Variants in ME1 observed in about 807,000 individuals in gnomAD.
ME1 encodes NADP-dependent malic enzyme.
A neutral mutation model predicts 66.4 loss-of-function variants in ME1; 74 were observed. That is an observed-to-expected ratio of 1.11 (90% CI 0.92 to 1.35). The LOEUF (loss-of-function observed/expected upper bound fraction) is 1.35, where lower values mean the gene tolerates loss of function less well. Ranked by LOEUF, ME1 falls within the 40% of genes most tolerant of loss-of-function variation. The pLI is 0.00. For synonymous variants in ME1, 251 were observed against 235.6 expected (o/e 1.07, Z -0.60); for missense variants, 750 against 694.1 (o/e 1.08, Z -0.90).
At chr6:83,214,011 A>G (rs1212389365) in intron 13 of ME1, among the ~76,000 whole-genome samples, 2 of 152,180 alleles carry the variant, frequency 1.3e-5, no homozygotes, top group African/African-American at 4.8e-5. Context: ...TACTTTTTAA[A>G]CAGATTTATT....
chr6:83,260,147 A>G (rs1186441564), intron 6 of ME1, among the ~76,000 whole-genome samples: 1 of 150,906 alleles, frequency 6.6e-6, no homozygotes, highest in African/African-American at 2.4e-5. Flanking sequence ...TATAGAATCA[A>G]AAAATCACAC....
chr6:83,304,091 T>A (rs1243300814), intron 6 of ME1, among the ~76,000 whole-genome samples: 1 of 152,182 alleles, frequency 6.6e-6, no homozygotes, highest in African/African-American at 2.4e-5. Flanking sequence ...TTTCTCTCAA[T>A]CATCATAACA....
chr6:83,404,826 G>A (rs1353204649), intron 2 of ME1, among the ~76,000 whole-genome samples: 2 of 152,144 alleles, frequency 1.3e-5, no homozygotes, highest in Non-Finnish European at 2.9e-5. Flanking sequence ...TAGATGTGTG[G>A]TGTTATTTCT....
chr6:83,404,654 T>C (rs761819843), intron 2 of ME1, among the ~76,000 whole-genome samples: 20 of 152,340 alleles, frequency 1.3e-4, no homozygotes, highest in Non-Finnish European at 2.8e-4. Context: ...TACGTTTAAA[T>C]CGTTAATCCA....
At chr6:83,316,979 G>A (rs768041948) in intron 5 of ME1, among the ~76,000 whole-genome samples, 4 of 152,118 alleles carry the variant, frequency 2.6e-5, no homozygotes, top group Non-Finnish European at 5.9e-5. Context: ...AGACCAAAGT[G>A]ACACCTTCAG....
At chr6:83,420,392 A>T (rs533429460) in intron 1 of ME1, among the ~76,000 whole-genome samples, 5 of 152,322 alleles carry the variant, frequency 3.3e-5, no homozygotes, top group Non-Finnish European at 1.5e-5. Context: ...TTAGACCTAC[A>T]TACTCAGTTA....
intron 3 of ME1, among the ~76,000 whole-genome samples, chr6:83,365,920 C>A (rs1355842074): frequency 1.3e-5 from 2 of 152,166 alleles, no homozygotes; most frequent in Middle Eastern, 3.2e-3. Context: ...CTGGCTACTC[C>A]TCAGTCTTCA....
chr6:83,238,451 T>C (rs951255684), intron 8 of ME1, among the ~76,000 whole-genome samples: 5 of 152,114 alleles, frequency 3.3e-5, no homozygotes, highest in Non-Finnish European at 7.4e-5. Context: ...TTCTGCCTAG[T>C]TGAGTATCAA....
chr6:83,406,436 T>C (rs1241700138), intron 2 of ME1, among the ~76,000 whole-genome samples: 1 of 152,208 alleles, frequency 6.6e-6, no homozygotes, highest in African/African-American at 2.4e-5. Flanking sequence ...CTGGTAGAAT[T>C]CAGCTGTGAA....
intron 3 of ME1, among the ~76,000 whole-genome samples, chr6:83,354,598 A>AGG (rs1768854809): frequency 6.6e-6 from 1 of 152,190 alleles, no homozygotes; most frequent in South Asian, 2.1e-4. Flanking sequence ...CTTCTCTGAT[A>AGG]ACAGTAGTCA....
chr6:83,262,594 G>A (rs1954537), intron 6 of ME1, among the ~76,000 whole-genome samples: 17,141 of 152,070 alleles, frequency 0.11, 1,087 homozygotes, highest in African/African-American at 0.16. Flanking sequence ...AACACTAAGG[G>A]TCACATATTC....
chr6:83,412,075 G>A (rs376960629), intron 1 of ME1, among the ~76,000 whole-genome samples: 2 of 152,118 alleles, frequency 1.3e-5, no homozygotes, highest in African/African-American at 2.4e-5. Context: ...TATTTGCAGG[G>A]AGCAAGCATA....
rs574517118 is a variant in ME1 at position 83,365,249 on chromosome 6, C to T, written c.363-13110G>A. The stretch of plus-strand genomic sequence containing the variant: ...CTGGGATTATAGGCTTCTGCCACCA[C>T]GCCCAGCTAATTTTTTGTATTTTTA... On this transcript the variant is annotated intron_variant, in intron 3 of 13. Coordinates refer to ENST00000369705, the MANE Select transcript of ME1 (RefSeq NM_002395.6). Among the ~76,000 whole-genome samples the T allele has an allele frequency of 1.1e-4, 16 of 152,282 alleles. No homozygotes were observed. In the South Asian group the frequency reaches 1.7e-3, roughly 16 times the overall value.
intron 3 of ME1, among the ~76,000 whole-genome samples, chr6:83,395,036 G>T (rs1367202718): frequency 6.6e-6 from 1 of 151,502 alleles, no homozygotes; most frequent in East Asian, 1.9e-4. Flanking sequence ...ATGTAATAGT[G>T]GTAATTAACA....
intron 6 of ME1, among the ~76,000 whole-genome samples, chr6:83,303,052 G>A (rs1767756894): frequency 6.6e-6 from 1 of 152,070 alleles, no homozygotes; most frequent in African/African-American, 2.4e-5. Context: ...CATGATAGAG[G>A]AATTGTCTGG....
chr6:83,406,494 T>C (rs1007863538), intron 2 of ME1, among the ~76,000 whole-genome samples: 5 of 152,270 alleles, frequency 3.3e-5, no homozygotes, highest in Admixed American at 6.5e-5. Context: ...CCTCTTCTTT[T>C]TAGAGTACTA....
chr6:83,315,552 A>C, intron 5 of ME1, 139 bp from the exon 6 acceptor site: 1 of 598,760 alleles, frequency 1.7e-6, no homozygotes, highest in Non-Finnish European at 3.0e-6. Context: ...CCTACAGGGT[A>C]ATTACTTAAT....
rs543203313 is a variant in ME1, at chr6:83,258,591, C to T, written c.705-4853G>A. ...GTAAAAACTGCAGAGATTTTGCTCC[C>T]GTGGCATTGTTAAATGTGACAAATA... is the stretch of plus-strand genomic sequence containing the variant. On this transcript the variant is annotated intron_variant, in intron 6 of 13. Transcript: ENST00000369705. 4.6e-5 allele frequency among the ~76,000 whole-genome samples: 7 copies of T among 152,134 alleles called. No homozygotes were observed. In the East Asian group the frequency reaches 1.2e-3, roughly 25 times the overall value.
chr6:83,330,061 T>A (rs1768374851), intron 5 of ME1, among the ~76,000 whole-genome samples: 1 of 152,170 alleles, frequency 6.6e-6, no homozygotes, highest in African/African-American at 2.4e-5. Flanking sequence ...GCTCAAGTGA[T>A]CCTCTCACTT....
Sources: gnomAD v4.1 joint callset for allele counts (sites outside exome capture counted in the v4.1 genomes callset) on GRCh38, gnomAD v4.1.1 for gene constraint, MANE v1.5 for transcripts, NCBI Gene and HGNC (gene_info 2026-07-23, HGNC 2026-07-21) for gene names.